Variants in GDF5 observed in about 807,000 individuals in gnomAD.
GDF5 encodes growth differentiation factor 5.
A neutral mutation model predicts 34.6 loss-of-function variants in GDF5; 17 were observed. That is an observed-to-expected ratio of 0.49 (90% CI 0.34 to 0.74). The LOEUF (loss-of-function observed/expected upper bound fraction) is 0.74. Ranked by LOEUF, GDF5 falls within the 30% of genes least tolerant of loss-of-function variation. The pLI is 0.01. For synonymous variants in GDF5, 332 were observed against 290.7 expected (o/e 1.14, Z -1.44); for missense variants, 616 against 661.2 (o/e 0.93, Z 0.75).
chr20:35,445,556 C>T (rs1226436114), intron 1 of GDF5, among the ~76,000 whole-genome samples: 4 of 151,708 alleles, frequency 2.6e-5, no homozygotes, highest in Non-Finnish European at 4.4e-5. Flanking sequence ...CCTAGCTACT[C>T]GGGAGGCTGA....
chr20:35,448,413 A>AAAATATAT (rs1236837477), intron 1 of GDF5, among the ~76,000 whole-genome samples: 1 of 96,478 alleles, frequency 1.0e-5, no homozygotes, highest in African/African-American at 4.0e-5. Context: ...AAAAAAAAAA[A>AAAATATAT]ATATATATAT....
At chr20:35,438,932 C>T (rs1487319780), upstream of GDF5, among the ~76,000 whole-genome samples, 1 of 150,360 alleles carries the variant, frequency 6.7e-6, no homozygotes, top group Non-Finnish European at 1.5e-5. Flanking sequence ...AGGGACAGCA[C>T]AGATGGCAGC....
At position 35,434,358 on chromosome 20, in the gene GDF5, G is replaced by C. The variant is rs982732411; in HGVS notation, c.1057C>G (p.Leu353Val). ...LVFGRTKKRD[L>V]FFNEIKARSG... ...CGGGCCTTAATCTCATTAAAGAACA[G>C]GTCCCGTTTCTTGGTGCGGCCAAAC... is the stretch of plus-strand genomic sequence containing the variant. Residue 353 changes from leucine to valine, a missense_variant, in exon 2 of 2, where the codon CTG becomes GTG. Leu to Val is a conservative substitution (Grantham distance 32). Transcript: ENST00000374369. 3.1e-6 allele frequency: 5 copies of C among 1,613,706 alleles called. No individual in the cohort carries two copies. Among genetic ancestry groups the C allele is most frequent in the Non-Finnish European group, 4.2e-6 (5 of 1,180,026 alleles).
Position 35,434,364 on chromosome 20 carries a change from G to T in GDF5, c.1051C>A (p.Arg351=), listed in dbSNP as rs146814179. Residue 351 remains arginine, a synonymous_variant, in exon 2 of 2, where the codon CGG becomes AGG. Transcript: ENST00000374369. ...LFLVFGRTKK[R]DLFFNEIKAR... ...TTAATCTCATTAAAGAACAGGTCCCGTTTCTTGGTGCGGCCAAACACCAGG... is the reference window on the plus strand; with the variant it reads ...TTAATCTCATTAAAGAACAGGTCCCTTTTCTTGGTGCGGCCAAACACCAGG... The T allele has an allele frequency of 1.9e-6, 3 of 1,613,612 alleles. No individual in the cohort carries two copies. The highest frequency in any genetic ancestry group is 4.5e-5 in the East Asian group (2 of 44,890).
chr20:35,453,867 A>G, intron 1 of GDF5: 2 of 531,020 alleles, frequency 3.8e-6, no homozygotes, highest in South Asian at 2.8e-5. Context: ...ATTTTGTACC[A>G]GGCCTTGTGC....
At chr20:35,441,999 C>T (rs1457635653), upstream of GDF5, among the ~76,000 whole-genome samples, 2 of 152,066 alleles carry the variant, frequency 1.3e-5, no homozygotes, top group African/African-American at 2.4e-5. Flanking sequence ...CATCACGATG[C>T]CCAGCTAATT....
intron 1 of GDF5, among the ~76,000 whole-genome samples, chr20:35,448,542 C>T (rs2062521393): frequency 7.7e-6 from 1 of 129,246 alleles, no homozygotes; most frequent in Non-Finnish European, 1.5e-5. Context: ...CTCACAGGTT[C>T]AAGCGATTCT....
intron 1 of GDF5, among the ~76,000 whole-genome samples, chr20:35,454,251 C>T (rs543489749): frequency 6.6e-6 from 1 of 151,952 alleles, no homozygotes; most frequent in African/African-American, 2.4e-5. Context: ...CAAGAGAGAT[C>T]GAGACCATCC....
upstream of GDF5, among the ~76,000 whole-genome samples, chr20:35,440,501 C>T (rs1278598836): frequency 1.3e-5 from 2 of 152,010 alleles, no homozygotes; most frequent in Non-Finnish European, 2.9e-5. Flanking sequence ...TCCAGGCTCT[C>T]TCTGGTTCAA....
chr20:35,438,275 A>C, upstream of GDF5: 1 of 339,676 alleles, frequency 2.9e-6, no homozygotes, highest in South Asian at 3.4e-5. Flanking sequence ...GGATTTTTCC[A>C]AGAAGGAAGA....
intron 1 of GDF5, chr20:35,454,004 T>C (rs781288168): frequency 2.6e-5 from 14 of 534,570 alleles, no homozygotes; most frequent in Admixed American, 5.8e-5. Context: ...TGCAGATTCC[T>C]GGACTCCACC....
At chr20:35,439,236 C>CTTT (rs1210665697), upstream of GDF5, among the ~76,000 whole-genome samples, 5 of 129,266 alleles carry the variant, frequency 3.9e-5, no homozygotes, top group African/African-American at 8.7e-5. Context: ...CCACATGACG[C>CTTT]TTTTTTTTTT....
At chr20:35,446,397 A>T (rs1388883233) in intron 1 of GDF5, among the ~76,000 whole-genome samples, 2 of 152,096 alleles carry the variant, frequency 1.3e-5, no homozygotes, top group Non-Finnish European at 2.9e-5. Context: ...TCAATGACCA[A>T]AATACAGTAT....
intron 1 of GDF5, 104 bp downstream of exon 1, chr20:35,437,194 C>T: frequency 1.2e-6 from 1 of 838,068 alleles, no homozygotes; most frequent in Non-Finnish European, 1.9e-6. Context: ...GGGCCAGATG[C>T]ACACAGTGTC....
chr20:35,447,808 C>T (rs954951335), intron 1 of GDF5, among the ~76,000 whole-genome samples: 3 of 152,104 alleles, frequency 2.0e-5, no homozygotes, highest in Non-Finnish European at 2.9e-5. Context: ...AATATAGTAA[C>T]ATCAGCTTTT....
In GDF5 at chr20:35,434,037, A is replaced by C. The variant is rs2062455848; in HGVS notation, c.1378T>G (p.Ser460Ala). The change falls in exon 2 of 2, where the codon TCC (serine) becomes GCC (alanine). Residue 460 changes from serine to alanine, a missense_variant. Transcript: ENST00000374369. ...QTLMNSMDPE[S>A]TPPTCCVPTR... Reference sequence around the variant, plus strand: ...GGCACACAGCAGGTGGGTGGTGTGGACTCGGGGTCCATGGAGTTCATCAGG... The same window carrying C: ...GGCACACAGCAGGTGGGTGGTGTGGCCTCGGGGTCCATGGAGTTCATCAGG... 6.2e-7 allele frequency: 1 copy of C among 1,613,324 alleles called. No individual in the cohort carries two copies. The highest frequency in any genetic ancestry group is 1.7e-5 in the Admixed American group (1 of 59,936).
At chr20:35,437,070 C>T (rs538953892) in intron 1 of GDF5, among the ~76,000 whole-genome samples, 5 of 152,346 alleles carry the variant, frequency 3.3e-5, no homozygotes, top group African/African-American at 1.2e-4. Flanking sequence ...GCCCACTCTG[C>T]ACCTTGCAGG....
At chr20:35,452,606 G>A (rs959539012) in intron 1 of GDF5, among the ~76,000 whole-genome samples, 1 of 152,138 alleles carries the variant, frequency 6.6e-6, no homozygotes, top group Non-Finnish European at 1.5e-5. Flanking sequence ...ATTTTTAGTA[G>A]AGATGGGGTT....
intron 1 of GDF5, among the ~76,000 whole-genome samples, chr20:35,436,923 C>T (rs540787144): frequency 6.6e-5 from 10 of 152,160 alleles, no homozygotes; most frequent in Non-Finnish European, 1.0e-4. Context: ...CGTCTGAGAC[C>T]GCCTACAAAC....
Sources: gnomAD v4.1 joint callset for allele counts (sites outside exome capture counted in the v4.1 genomes callset) on GRCh38, gnomAD v4.1.1 for gene constraint, MANE v1.5 for transcripts, NCBI Gene and HGNC (gene_info 2026-07-23, HGNC 2026-07-21) for gene names.